Variants in ARB2A observed in about 807,000 individuals in gnomAD.
The protein encoded by ARB2A is cotranscriptional regulator ARB2A.
the ARB2A span, among the ~76,000 whole-genome samples, chr5:93,666,191 G>A: frequency 8.5e-5 from 13 of 152,166 alleles, no homozygotes; most frequent in Non-Finnish European, 1.5e-4. Context: ...TACCAGGGTA[G>A]GTATCTTTAA....
At chr5:93,962,493 T>C in the ARB2A span, among the ~76,000 whole-genome samples, 3 of 152,108 alleles carry the variant, frequency 2.0e-5, no homozygotes, top group Non-Finnish European at 4.4e-5. Flanking sequence ...TGGTTCTTTT[T>C]CCCTTTTAAA....
chr5:94,039,321 A>C, the ARB2A span, among the ~76,000 whole-genome samples: 2 of 152,164 alleles, frequency 1.3e-5, no homozygotes. Context: ...GGAGGTTAGC[A>C]CAAGATGCAG....
At chr5:93,698,171 T>C in the ARB2A span, among the ~76,000 whole-genome samples, 1 of 152,224 alleles carries the variant, frequency 6.6e-6, no homozygotes, top group Non-Finnish European at 1.5e-5. Flanking sequence ...GTTTTTTGTT[T>C]CTAATTCTCT....
chr5:94,039,725 G>A, the ARB2A span, among the ~76,000 whole-genome samples: 1 of 152,074 alleles, frequency 6.6e-6, no homozygotes, highest in Non-Finnish European at 1.5e-5. Flanking sequence ...TCTGGATCAG[G>A]ACCTCTTTCC....
chr5:94,050,677 T>C, the ARB2A span: 3 of 1,360,954 alleles, frequency 2.2e-6, no homozygotes, highest in Non-Finnish European at 3.0e-6. Flanking sequence ...AAAACTTTTA[T>C]TCTGAATATT....
the ARB2A span, among the ~76,000 whole-genome samples, chr5:93,669,102 C>T: frequency 3.3e-5 from 5 of 152,140 alleles, no homozygotes; most frequent in Non-Finnish European, 2.9e-5. Context: ...GTATGTTTGA[C>T]GTGAAATACC....
the ARB2A span, among the ~76,000 whole-genome samples, chr5:93,711,722 G>A: frequency 2.0e-5 from 3 of 152,258 alleles, no homozygotes; most frequent in Non-Finnish European, 4.4e-5. Flanking sequence ...GTGGCGAGCA[G>A]CTCGGTAGCA....
At chr5:94,094,261 T>G in the ARB2A span, among the ~76,000 whole-genome samples, 1 of 152,202 alleles carries the variant, frequency 6.6e-6, no homozygotes, top group Non-Finnish European at 1.5e-5. Context: ...TTGGTTGGTT[T>G]CTGATAAGCG....
At chr5:93,774,560 C>T in the ARB2A span, among the ~76,000 whole-genome samples, 2 of 152,284 alleles carry the variant, frequency 1.3e-5, no homozygotes, top group African/African-American at 2.4e-5. Context: ...TCAGTTCTTA[C>T]ATTGTAAACA....
the ARB2A span, among the ~76,000 whole-genome samples, chr5:93,940,377 T>TA: frequency 2.8e-4 from 43 of 152,040 alleles, no homozygotes; most frequent in Non-Finnish European, 6.2e-4. Context: ...AAAACACTGT[T>TA]ATGTTACTAT....
the ARB2A span, among the ~76,000 whole-genome samples, chr5:93,980,844 A>G: frequency 6.6e-6 from 1 of 152,066 alleles, no homozygotes; most frequent in Non-Finnish European, 1.5e-5. Context: ...CAAGCATTTT[A>G]AATATTTATT....
the ARB2A span, among the ~76,000 whole-genome samples, chr5:94,019,574 A>T: frequency 6.6e-6 from 1 of 151,864 alleles, no homozygotes; most frequent in Non-Finnish European, 1.5e-5. Context: ...AATGCAAATC[A>T]AATGAGATAC....
At chr5:93,770,433 C>T in the ARB2A span, among the ~76,000 whole-genome samples, 2 of 152,230 alleles carry the variant, frequency 1.3e-5, no homozygotes, top group African/African-American at 4.8e-5. Context: ...TCCTATTCAA[C>T]ATAGTGTTGG....
chr5:94,100,871 G>C, the ARB2A span, among the ~76,000 whole-genome samples: 1 of 152,156 alleles, frequency 6.6e-6, no homozygotes, highest in East Asian at 1.9e-4. Context: ...CTGGACCTAG[G>C]AACGGGCAAA....
At chr5:93,830,314 T>TGTGTGTGTAC in the ARB2A span, among the ~76,000 whole-genome samples, 29 of 53,128 alleles carry the variant, frequency 5.5e-4, 1 homozygote, top group African/African-American at 2.6e-3. Flanking sequence ...TGTGTGTGTA[T>TGTGTGTGTAC]ATATATATAT....
the ARB2A span, among the ~76,000 whole-genome samples, chr5:93,926,303 AT>A: frequency 2.7e-5 from 4 of 148,808 alleles, no homozygotes; most frequent in African/African-American, 9.9e-5. Flanking sequence ...CTAATTTTGT[AT>A]TTTTTTTTCA....
chr5:93,841,470 G>A, the ARB2A span, among the ~76,000 whole-genome samples: 1 of 152,254 alleles, frequency 6.6e-6, no homozygotes, highest in Middle Eastern at 3.4e-3. Flanking sequence ...TTTTATATAA[G>A]TGACTTGAGC....
chr5:93,774,625 T>C, the ARB2A span, among the ~76,000 whole-genome samples: 3 of 152,220 alleles, frequency 2.0e-5, no homozygotes, highest in Non-Finnish European at 4.4e-5. Context: ...TGTGCCTTTT[T>C]TTTGGTTTCA....
the ARB2A span, among the ~76,000 whole-genome samples, chr5:94,005,398 G>A: frequency 6.6e-6 from 1 of 152,062 alleles, no homozygotes; most frequent in African/African-American, 2.4e-5. Context: ...AGTAGAGATA[G>A]GGTTTCACCA....
Sources: allele counts gnomAD v4.1 joint callset (sites outside exome capture counted in the v4.1 genomes callset), GRCh38; gene constraint gnomAD v4.1.1; transcripts MANE v1.5; gene names NCBI Gene and HGNC (gene_info 2026-07-23, HGNC 2026-07-21).